Variants in HNRNPUL1 observed in about 807,000 individuals in gnomAD.
HNRNPUL1 encodes the protein heterogeneous nuclear ribonucleoprotein U-like protein 1.
Under a neutral mutation model 108.5 loss-of-function variants are expected in HNRNPUL1, and 14 were observed. That is an observed-to-expected ratio of 0.13 (90% confidence interval 0.09 to 0.20). HNRNPUL1 has a LOEUF of 0.20. HNRNPUL1 is among the 10% of genes least tolerant of loss of function. The probability of loss-of-function intolerance (pLI) is 1.00; values close to 1 mark genes in which losing one functional copy is unlikely to be tolerated. For synonymous variants in HNRNPUL1, 422 were observed against 445.2 expected (o/e 0.95, Z 0.66); for missense variants, 804 against 1,168.3 (o/e 0.69, Z 4.55).
At chr19:41,274,190 C>A in intron 4 of HNRNPUL1, 135 bp downstream of exon 4, 1 of 735,592 alleles carries the variant, frequency 1.4e-6, no homozygotes, top group Non-Finnish European at 2.4e-6. Context: ...CGGCTTAGCT[C>A]TGGAGCAAGA....
chr19:41,301,425 C>T, intron 10 of HNRNPUL1, 111 bp from the exon 11 acceptor site: 2 of 828,396 alleles, frequency 2.4e-6, no homozygotes, highest in Non-Finnish European at 3.7e-6. Context: ...TCTCTGCTTA[C>T]AAGGAGCACT....
intron 4 of HNRNPUL1, 71 bp from the exon 5 acceptor site, chr19:41,276,088 A>G (rs2035537927): frequency 1.3e-6 from 2 of 1,598,338 alleles, no homozygotes; most frequent in Non-Finnish European, 1.7e-6. Context: ...GGGCAAAAAG[A>G]GTGAAACTCC....
intron 1 of HNRNPUL1, among the ~76,000 whole-genome samples, chr19:41,267,018 A>G (rs1250967267): frequency 1.3e-5 from 2 of 152,182 alleles, no homozygotes; most frequent in East Asian, 3.9e-4. Context: ...TCTGAGAGGA[A>G]AGCGAATTAG....
chr19:41,281,351 C>A, intron 7 of HNRNPUL1, 76 bp downstream of exon 7: 1 of 893,568 alleles, frequency 1.1e-6, no homozygotes, highest in Non-Finnish European at 1.8e-6. Context: ...ATACCTCTAT[C>A]CATTGTCTGC....
intron 13 of HNRNPUL1, among the ~76,000 whole-genome samples, chr19:41,305,202 T>A (rs2195950): frequency 0.99 from 151,160 of 152,266 alleles, 75,035 homozygotes; most frequent in East Asian, 1. Flanking sequence ...ATGGAGATTA[T>A]ATGATGTAAT....
chr19:41,300,566 A>T (rs999414759), intron 10 of HNRNPUL1, among the ~76,000 whole-genome samples: 3 of 152,144 alleles, frequency 2.0e-5, no homozygotes, highest in Non-Finnish European at 4.4e-5. Flanking sequence ...CTCACTTTTT[A>T]AGTAGTGTCC....
At chr19:41,268,790 G>A (rs1448843006) in intron 2 of HNRNPUL1, among the ~76,000 whole-genome samples, 4 of 152,106 alleles carry the variant, frequency 2.6e-5, no homozygotes, top group Admixed American at 6.5e-5. Flanking sequence ...CCCAGGAGGC[G>A]GAGGTTGCAG....
intron 7 of HNRNPUL1, among the ~76,000 whole-genome samples, chr19:41,284,856 C>T (rs2036122067): frequency 1.3e-5 from 2 of 151,788 alleles, no homozygotes; most frequent in South Asian, 2.1e-4. Flanking sequence ...ATTAGCCGGG[C>T]GTGGTGGCCA....
At chr19:41,271,895 T>G (rs1241734436) in intron 2 of HNRNPUL1, among the ~76,000 whole-genome samples, 187 bp from the exon 3 acceptor site, 1 of 152,208 alleles carries the variant, frequency 6.6e-6, no homozygotes. Flanking sequence ...ATCCTAACCC[T>G]GTTCTCCAGT....
chr19:41,265,785 A>G (rs1455123279), intron 1 of HNRNPUL1, among the ~76,000 whole-genome samples: 1 of 151,952 alleles, frequency 6.6e-6, no homozygotes, highest in Non-Finnish European at 1.5e-5. Flanking sequence ...AAGTGGATGA[A>G]ATATGTGGCG....
chr19:41,264,776 C>T lies in HNRNPUL1; in HGVS notation c.273C>T (p.Gly91=). ...PGLQPHAEPG[G]YSGPDGHYAM... The stretch of plus-strand genomic sequence containing the variant: ...TGCAGCCGCACGCGGAGCCCGGCGG[C>T]TACTCGGGGCCGGACGGACATTGTG... The change falls in exon 1 of 15, where the codon GGC becomes GGT. Residue 91 remains glycine (G), a synonymous_variant. Coordinates refer to ENST00000392006, the MANE Select transcript of HNRNPUL1 (RefSeq NM_007040.6). 1 of 1,370,698 alleles carries T rather than the reference C, an allele frequency of 7.3e-7. No individual in the cohort carries two copies. Among genetic ancestry groups the T allele is most frequent in the Non-Finnish European group, 9.4e-7 (1 of 1,066,308 alleles). 84.9% of individuals were successfully genotyped at this position (1,370,698 alleles called of 1,614,324 possible). A position where few individuals can be genotyped will look rare whatever the true frequency, so the allele number is the denominator to read the frequency against.
intron 1 of HNRNPUL1, among the ~76,000 whole-genome samples, chr19:41,265,928 G>C (rs974650263): frequency 2.6e-5 from 4 of 152,068 alleles, no homozygotes; most frequent in African/African-American, 9.7e-5. Flanking sequence ...GGAGTGTGGG[G>C]AATGTTTCTG....
At chr19:41,282,127 ATTC>A (rs2035930083) in intron 7 of HNRNPUL1, among the ~76,000 whole-genome samples, 2 of 152,248 alleles carry the variant, frequency 1.3e-5, no homozygotes, top group Non-Finnish European at 2.9e-5. Context: ...TCTGAAGCTT[ATTC>A]TTTTGCCTTC....
At chr19:41,281,102 G>T in intron 6 of HNRNPUL1, 61 bp from the exon 7 acceptor site, 1 of 976,256 alleles carries the variant, frequency 1.0e-6, no homozygotes. Flanking sequence ...GTATGTGGCA[G>T]CCATTGAGGC....
chr19:41,279,974 T>TA (rs2035810558), intron 6 of HNRNPUL1, among the ~76,000 whole-genome samples: 1 of 152,240 alleles, frequency 6.6e-6, no homozygotes, highest in African/African-American at 2.4e-5. Flanking sequence ...GCTTTTTGAC[T>TA]ACTGCATAAT....
chr19:41,262,923 C>T (rs1201811431), upstream of HNRNPUL1: 1 of 151,696 alleles, frequency 6.6e-6, no homozygotes, highest in Non-Finnish European at 1.5e-5. Context: ...ACCTGTAATC[C>T]CAGCTACTCG....
intron 4 of HNRNPUL1, among the ~76,000 whole-genome samples, chr19:41,274,635 C>T (rs567069571): frequency 2.0e-5 from 3 of 152,300 alleles, no homozygotes; most frequent in South Asian, 4.2e-4. Context: ...AAGGTCCTTT[C>T]GCTCAGACCT....
Position 41,294,320 on chromosome 19 carries a change from CCT to C in HNRNPUL1, c.1267-17_1267-16del. ...CATACCACCATGCCGCAACACCTTC[CCT>C]GTCTTGTTCTTGTAGATTCTGATGA... On this transcript the variant is annotated splice_polypyrimidine_tract_variant and intron_variant, in intron 8 of 14. Transcript: ENST00000392006. The surrounding 1 kb of genome is among the most constrained non-coding windows in gnomAD (Gnocchi z 4.3). The C allele has an allele frequency of 6.2e-7, 1 of 1,613,582 alleles. No individual in the cohort carries two copies. Among genetic ancestry groups the C allele is most frequent in the Non-Finnish European group, 8.5e-7 (1 of 1,179,684 alleles).
intron 4 of HNRNPUL1, among the ~76,000 whole-genome samples, chr19:41,275,023 T>G (rs967459505): frequency 2.0e-5 from 3 of 152,072 alleles, no homozygotes; most frequent in Admixed American, 6.6e-5. Context: ...CAGGAAAGGC[T>G]TTCTTGGAGG....
Sources: gnomAD v4.1 joint callset for allele counts (sites outside exome capture counted in the v4.1 genomes callset) on GRCh38, gnomAD v4.1.1 for gene constraint, Gnocchi (gnomAD v3.1) non-coding constraint, MANE v1.5 for transcripts, NCBI Gene and HGNC (gene_info 2026-07-23, HGNC 2026-07-21) for gene names.